Variants in PAX5 observed in about 807,000 individuals in gnomAD.
PAX5 encodes the protein paired box 5.
In PAX5, 9 loss-of-function variants were observed where a neutral mutation model predicts 43.7. The ratio of observed to expected loss-of-function variants is 0.21; its 90% CI spans 0.12 to 0.36. The LOEUF (loss-of-function observed/expected upper bound fraction) is 0.36. Among genes scored for constraint, PAX5 ranks in the 10% least tolerant of loss-of-function variants. The pLI is 1.00. For synonymous variants in PAX5, 228 were observed against 214.3 expected (o/e 1.06, Z -0.56); for missense variants, 383 against 532.7 (o/e 0.72, Z 2.77).
intron 1 of PAX5, among the ~76,000 whole-genome samples, chr9:37,022,642 C>A (rs999361187): frequency 6.6e-6 from 1 of 152,164 alleles, no homozygotes; most frequent in Non-Finnish European, 1.5e-5. Flanking sequence ...ACAGTGGCAA[C>A]CTTCAGAGGA....
intron 8 of PAX5, among the ~76,000 whole-genome samples, chr9:36,865,892 G>T (rs1164096432): frequency 1.3e-5 from 2 of 152,256 alleles, no homozygotes; most frequent in African/African-American, 2.4e-5. Flanking sequence ...CCAGAGCAGG[G>T]CTGGGCACAA....
In PAX5 at chr9:36,839,186, T is replaced by A. The variant is rs1015690439; in HGVS notation, c.*1374A>T. The A allele has an allele frequency of 8.6e-6, 2 of 233,500 alleles. No homozygotes were observed. The highest frequency in any genetic ancestry group is 1.7e-5 in the Non-Finnish European group (2 of 118,240). The allele number at this position is 233,500 out of a possible 1,614,324, so 14.5% of individuals were successfully genotyped here. A position where few individuals can be genotyped will look rare whatever the true frequency, so the allele number is the denominator to read the frequency against. On this transcript the variant is annotated 3_prime_UTR_variant, in exon 10 of 10. Coordinates refer to ENST00000358127, the MANE Select transcript of PAX5 (RefSeq NM_016734.3). ...TCCTCACTGCTCTCCTGCCCCTCCC[T>A]CAGGAGGCCTTCCTCTGTCCCCCAG...
chr9:36,947,467 G>T (rs958812367), intron 6 of PAX5, among the ~76,000 whole-genome samples: 1 of 152,026 alleles, frequency 6.6e-6, no homozygotes, highest in Admixed American at 6.6e-5. Context: ...CATGATCATG[G>T]CTCACTACAG....
At chr9:36,914,420 G>C (rs1036782581) in intron 7 of PAX5, among the ~76,000 whole-genome samples, 1 of 152,198 alleles carries the variant, frequency 6.6e-6, no homozygotes, top group Non-Finnish European at 1.5e-5. Flanking sequence ...GTCCATACCT[G>C]TGTGTAAGGC....
chr9:36,844,179 T>G (rs925358687), intron 9 of PAX5, among the ~76,000 whole-genome samples: 2 of 152,212 alleles, frequency 1.3e-5, no homozygotes, highest in Non-Finnish European at 2.9e-5. Flanking sequence ...GGTCTGAGTA[T>G]TCAGGACTCA....
At chr9:36,888,225 C>G (rs1477261388) in intron 7 of PAX5, among the ~76,000 whole-genome samples, 2 of 152,210 alleles carry the variant, frequency 1.3e-5, no homozygotes, top group Admixed American at 1.3e-4. Flanking sequence ...AGTTCTTAGA[C>G]ATCGAGTTAC....
intron 3 of PAX5, among the ~76,000 whole-genome samples, chr9:37,008,438 A>G (rs982432417): frequency 4.6e-5 from 7 of 152,228 alleles, no homozygotes; most frequent in African/African-American, 1.7e-4. Flanking sequence ...TAATATCTGA[A>G]AGTTTATTCT....
intron 8 of PAX5, among the ~76,000 whole-genome samples, chr9:36,866,427 C>T (rs988472071): frequency 1.3e-5 from 2 of 152,184 alleles, no homozygotes; most frequent in East Asian, 3.8e-4. Flanking sequence ...GGGAGCCCAC[C>T]GTTGCCTGGA....
Position 36,840,266 on chromosome 9 carries a change from G to A in PAX5, c.*294C>T. The stretch of plus-strand genomic sequence containing the variant: ...TAGTCAGACAGCTGGAGGACAGGCA[G>A]GCTGGGCTGGGGCTGCGGTTATTTG... On this transcript the variant is annotated 3_prime_UTR_variant, in exon 10 of 10. Transcript: ENST00000358127. 1.9e-6 allele frequency: 1 copy of A among 534,640 alleles called. No individual in the cohort carries two copies. The allele number at this position is 534,640 out of a possible 1,614,324, so 33.1% of individuals were successfully genotyped here. A position where few individuals can be genotyped will look rare whatever the true frequency, so the allele number is the denominator to read the frequency against.
At chr9:36,955,770 CA>C (rs67265503) in intron 6 of PAX5, among the ~76,000 whole-genome samples, 10,831 of 136,430 alleles carry the variant, frequency 0.079, 455 homozygotes, top group East Asian at 0.092. Context: ...CTTTTTGTTT[CA>C]AAAAAAAAAA....
At chr9:36,888,326 G>A (rs1436638337) in intron 7 of PAX5, among the ~76,000 whole-genome samples, 2 of 152,308 alleles carry the variant, frequency 1.3e-5, no homozygotes, top group Admixed American at 1.3e-4. Context: ...AATGTTGGTG[G>A]CAGCATTATT....
chr9:36,945,426 G>A (rs1417651619), intron 6 of PAX5, among the ~76,000 whole-genome samples: 7 of 152,070 alleles, frequency 4.6e-5, no homozygotes, highest in Non-Finnish European at 7.4e-5. Context: ...ATTTTTTGTA[G>A]GGATGAGGTC....
intron 5 of PAX5, among the ~76,000 whole-genome samples, chr9:36,977,517 T>G (rs909344018): frequency 1.5e-4 from 23 of 152,004 alleles, no homozygotes; most frequent in South Asian, 1.5e-3. Flanking sequence ...TTGTTTTTTT[T>G]GGGGTTTTTT....
At chr9:36,938,771 C>T (rs935432311) in intron 6 of PAX5, among the ~76,000 whole-genome samples, 4 of 152,178 alleles carry the variant, frequency 2.6e-5, no homozygotes, top group African/African-American at 9.7e-5. Context: ...TCGTACCATC[C>T]GACATGGTTG....
intron 5 of PAX5, among the ~76,000 whole-genome samples, chr9:36,971,553 T>C (rs1432427718): frequency 6.6e-6 from 1 of 152,190 alleles, no homozygotes; most frequent in South Asian, 2.1e-4. Flanking sequence ...ACAAAGTGAA[T>C]GGTATGCTTA....
At chr9:36,986,823 A>G (rs1230503425) in intron 5 of PAX5, among the ~76,000 whole-genome samples, 1 of 152,164 alleles carries the variant, frequency 6.6e-6, no homozygotes, top group Non-Finnish European at 1.5e-5. Context: ...AGATCTTGGG[A>G]TATGACTCGG....
intron 7 of PAX5, among the ~76,000 whole-genome samples, chr9:36,915,843 G>A (rs377343352): frequency 4.2e-4 from 64 of 152,222 alleles, no homozygotes; most frequent in African/African-American, 1.5e-3. Context: ...AGGCCAAGGT[G>A]AGAGAATCAC....
chr9:36,880,205 G>A (rs946672016), intron 8 of PAX5, among the ~76,000 whole-genome samples: 14 of 152,356 alleles, frequency 9.2e-5, no homozygotes, highest in East Asian at 1.9e-4. Context: ...GCTAAGATCC[G>A]TCCTGCTGAG....
chr9:37,012,668 C>T lies in PAX5; in HGVS notation c.410+2329G>A, dbSNP rs80338363. Among the ~76,000 whole-genome samples the T allele has an allele frequency of 9.4e-3, 1,426 of 152,318 alleles. 16 individuals are homozygous for T. Among genetic ancestry groups the T allele is most frequent in the African/African-American group, 0.032 (1,349 of 41,558 alleles). On this transcript the variant is annotated intron_variant, in intron 3 of 9. Transcript: ENST00000358127. ...TAACCACTGCTCTATTTGCCTCATA[C>T]ATTTCTTTCACATCACTTCAATTTT...
Sources: allele counts gnomAD v4.1 joint callset (sites outside exome capture counted in the v4.1 genomes callset), GRCh38; gene constraint gnomAD v4.1.1; transcripts MANE v1.5; gene names NCBI Gene and HGNC (gene_info 2026-07-23, HGNC 2026-07-21).